The following LENEP variants were observed in gnomAD, a reference collection of about 807,000 sequenced individuals.
LENEP encodes lens epithelial cell protein LEP503.
Under a neutral mutation model 4.1 loss-of-function variants are expected in LENEP, and 2 were observed. The ratio of observed to expected loss-of-function variants is 0.49; its 90% confidence interval spans 0.20 to 1.53. The LOEUF is 1.53. Among genes scored for constraint, LENEP ranks in the 40% most tolerant of loss-of-function variants. The probability of loss-of-function intolerance (pLI) is 0.23; values close to 1 mark genes in which losing one functional copy is unlikely to be tolerated. For missense variants in LENEP, 63 were observed against 77.0 expected (o/e 0.82, Z 0.68); for synonymous variants, 30 against 33.3 (o/e 0.90, Z 0.34).
In LENEP at chr1:154,993,629, CT is replaced by C; in HGVS notation, c.23del (p.Leu8GlnfsTer36). The part of the protein sequence containing the change: MQPRTQP[L>X]AQTLPFFLGG... ...CCACATGCAGCCCCGGACACAGCCCCTAGCCCAAACCCTACCCTTCTTCCTC... is the reference window on the plus strand; with the variant it reads ...CCACATGCAGCCCCGGACACAGCCCCAGCCCAAACCCTACCCTTCTTCCTC... On this transcript the variant is annotated frameshift_variant, in exon 1 of 1. Transcript: ENST00000392487. LOFTEE classifies it high-confidence loss of function. The C allele has an allele frequency of 6.2e-7, 1 of 1,612,908 alleles. No homozygotes were observed. The highest frequency in any genetic ancestry group is 8.5e-7 in the Non-Finnish European group (1 of 1,179,610).
At position 154,993,914 on chromosome 1, in the gene LENEP, T is replaced by C. The variant is rs1177901623; in HGVS notation, c.*121T>C. ...CTGTGGCAGAGCTTGCCTTAGCTTC[T>C]CATTCTCTTCTTTAGCCCCCAGCCC... On this transcript the variant is annotated 3_prime_UTR_variant, in exon 1 of 1. Coordinates refer to ENST00000392487, the MANE Select transcript of LENEP (RefSeq NM_001394530.1). 2 of 975,054 alleles carry C rather than the reference T, an allele frequency of 2.1e-6. No homozygotes were observed. Among genetic ancestry groups the C allele is most frequent in the Non-Finnish European group, 3.0e-6 (2 of 658,900 alleles). 60.4% of individuals were successfully genotyped at this position (975,054 alleles called of 1,614,324 possible).
In LENEP at chr1:154,993,911, T is replaced by G; in HGVS notation, c.*118T>G. The stretch of plus-strand genomic sequence containing the variant: ...CTTCTGTGGCAGAGCTTGCCTTAGC[T>G]TCTCATTCTCTTCTTTAGCCCCCAG... On this transcript the variant is annotated 3_prime_UTR_variant, in exon 1 of 1. Coordinates refer to ENST00000392487, the MANE Select transcript of LENEP (RefSeq NM_001394530.1). 2 of 995,058 alleles carry G rather than the reference T, an allele frequency of 2.0e-6. No individual in the cohort carries two copies. Among genetic ancestry groups the G allele is most frequent in the Admixed American group, 2.7e-5 (1 of 36,504 alleles). The allele number at this position is 995,058 out of a possible 1,614,324, so 61.6% of individuals were successfully genotyped here.
Position 154,993,866 on chromosome 1 carries a change from A to G in LENEP, c.*73A>G, listed in dbSNP as rs1657984764. 4.3e-5 allele frequency: 61 copies of G among 1,410,938 alleles called. No homozygotes were observed. The South Asian group carries it at 7.5e-4, about 17-fold the overall frequency. The allele number at this position is 1,410,938 out of a possible 1,614,324, so 87.4% of individuals were successfully genotyped here. A position where few individuals can be genotyped will look rare whatever the true frequency, so the allele number is the denominator to read the frequency against. Reference sequence around the variant, plus strand: ...TCGCTCAGGTGGGCAGGGTAGAGTAAACAGGAGGCATAGCTGCAGCTTCTG... The same window carrying G: ...TCGCTCAGGTGGGCAGGGTAGAGTAGACAGGAGGCATAGCTGCAGCTTCTG... On this transcript the variant is annotated 3_prime_UTR_variant, in exon 1 of 1. Coordinates refer to ENST00000392487, the MANE Select transcript of LENEP (RefSeq NM_001394530.1).
Position 154,993,846 on chromosome 1 carries a change from C to T in LENEP, c.*53C>T. The T allele has an allele frequency of 6.4e-7, 1 of 1,564,088 alleles. No homozygotes were observed. The highest frequency in any genetic ancestry group is 1.1e-5 in the South Asian group (1 of 88,516). On this transcript the variant is annotated 3_prime_UTR_variant, in exon 1 of 1. Transcript: ENST00000392487. ...CACCAGCACCATGGCTGGCATCGCT[C>T]AGGTGGGCAGGGTAGAGTAAACAGG... is the stretch of plus-strand genomic sequence containing the variant.
Position 154,993,883 on chromosome 1 carries a change from C to A in LENEP, c.*90C>A. On this transcript the variant is annotated 3_prime_UTR_variant, in exon 1 of 1. Transcript: ENST00000392487. Reference sequence around the variant, plus strand: ...GTAGAGTAAACAGGAGGCATAGCTGCAGCTTCTGTGGCAGAGCTTGCCTTA... The same window carrying A: ...GTAGAGTAAACAGGAGGCATAGCTGAAGCTTCTGTGGCAGAGCTTGCCTTA... 1 of 1,279,820 alleles carries A rather than the reference C, an allele frequency of 7.8e-7. No homozygotes were observed. Among genetic ancestry groups the A allele is most frequent in the Non-Finnish European group, 1.1e-6 (1 of 912,110 alleles). The allele number at this position is 1,279,820 out of a possible 1,614,324, so 79.3% of individuals were successfully genotyped here. A position where few individuals can be genotyped will look rare whatever the true frequency, so the allele number is the denominator to read the frequency against.
In LENEP at chr1:154,993,954, C is replaced by T. The variant is rs377573367; in HGVS notation, c.*161C>T. The T allele has an allele frequency of 6.1e-6, 4 of 656,922 alleles. No homozygotes were observed. The highest frequency in any genetic ancestry group is 3.0e-5 in the East Asian group (1 of 33,894). 40.7% of individuals were successfully genotyped at this position (656,922 alleles called of 1,614,324 possible). A position where few individuals can be genotyped will look rare whatever the true frequency, so the allele number is the denominator to read the frequency against. ...GCCCCCAGCCCAATTGCCATCAAGA[C>T]TCCTGAAGCCAGCTGTGCTTGACCA... On this transcript the variant is annotated 3_prime_UTR_variant, in exon 1 of 1. Coordinates refer to ENST00000392487, the MANE Select transcript of LENEP (RefSeq NM_001394530.1).
rs1657992549 is a variant in LENEP at position 154,994,122 on chromosome 1, C to A, written c.*329C>A. On this transcript the variant is annotated 3_prime_UTR_variant, in exon 1 of 1. Coordinates refer to ENST00000392487, the MANE Select transcript of LENEP (RefSeq NM_001394530.1). ...GACCTCTGGTGGGCAGGAGCTTGGA[C>A]TGCTCTGGCTAGGACCCCAGTAAGA... is the stretch of plus-strand genomic sequence containing the variant. 9.2e-6 allele frequency: 3 copies of A among 327,038 alleles called. No individual in the cohort carries two copies. The highest frequency in any genetic ancestry group is 1.7e-5 in the Non-Finnish European group (3 of 176,782). 20.3% of individuals were successfully genotyped at this position (327,038 alleles called of 1,614,324 possible). A position where few individuals can be genotyped will look rare whatever the true frequency, so the allele number is the denominator to read the frequency against.
chr1:154,994,161 T>TTTTTAATGATAC lies in LENEP; in HGVS notation c.*368_*369insTTTTAATGATAC. ...ACCCCAGTAAGATTGTGGCAAGACC[T>TTTTTAATGATAC]GGCACTCCTCCAAGCTTGGCACAGT... On this transcript the variant is annotated 3_prime_UTR_variant, in exon 1 of 1. Transcript: ENST00000392487. 2 of 263,066 alleles carry TTTTTAATGATAC rather than the reference T, an allele frequency of 7.6e-6. No homozygotes were observed. Among genetic ancestry groups the TTTTTAATGATAC allele is most frequent in the South Asian group, 4.1e-5 (1 of 24,682 alleles). The allele number at this position is 263,066 out of a possible 1,614,324, so 16.3% of individuals were successfully genotyped here. A position where few individuals can be genotyped will look rare whatever the true frequency, so the allele number is the denominator to read the frequency against.
chr1:154,993,659 G>A lies in LENEP; in HGVS notation c.52G>A (p.Gly18Arg). The change falls in exon 1 of 1, where the codon GGG becomes AGG. Residue 18 changes from glycine (G) to arginine (R), a missense_variant. Transcript: ENST00000392487. Reference protein sequence around the residue: ...LAQTLPFFLGGAPRDTGLRVP... With the variant: ...LAQTLPFFLGRAPRDTGLRVP... ...CCAAACCCTACCCTTCTTCCTCGGA[G>A]GGGCCCCTCGAGACACTGGGCTGCG... is the stretch of plus-strand genomic sequence containing the variant. 1 of 1,613,518 alleles carries A rather than the reference G, an allele frequency of 6.2e-7. No homozygotes were observed. The highest frequency in any genetic ancestry group is 1.1e-5 in the South Asian group (1 of 91,066).
rs776786363 is a variant in LENEP, at chr1:154,993,673, C to T, written c.66C>T (p.Asp22=). 3.1e-6 allele frequency: 5 copies of T among 1,613,594 alleles called. No homozygotes were observed. In the South Asian group the frequency reaches 4.4e-5, roughly 14 times the overall value. Residue 22 remains aspartate (D), a synonymous_variant, in exon 1 of 1, where the codon GAC becomes GAT. Transcript: ENST00000392487. ...LPFFLGGAPR[D]TGLRVPVIKM... is the part of the protein sequence containing the mutation. Reference sequence around the variant, plus strand: ...TCTTCCTCGGAGGGGCCCCTCGAGACACTGGGCTGCGGGTGCCTGTCATTA... The same window carrying T: ...TCTTCCTCGGAGGGGCCCCTCGAGATACTGGGCTGCGGGTGCCTGTCATTA...
rs1047060531 is a variant in LENEP at position 154,993,847 on chromosome 1, A to C, written c.*54A>C. On this transcript the variant is annotated 3_prime_UTR_variant, in exon 1 of 1. Transcript: ENST00000392487. The stretch of plus-strand genomic sequence containing the variant: ...ACCAGCACCATGGCTGGCATCGCTC[A>C]GGTGGGCAGGGTAGAGTAAACAGGA... The C allele has an allele frequency of 7.7e-6, 12 of 1,564,800 alleles. No homozygotes were observed. Among genetic ancestry groups the C allele is most frequent in the African/African-American group, 2.7e-5 (2 of 72,848 alleles).
In LENEP at chr1:154,993,598, T is replaced by C. The variant is rs774620696; in HGVS notation, c.-10T>C. On this transcript the variant is annotated 5_prime_UTR_variant, in exon 1 of 1. Transcript: ENST00000392487. ...CAGCTCCCACACCCTTCCTCGGAAC[T>C]GTTGCCCACATGCAGCCCCGGACAC... 5.1e-5 allele frequency: 82 copies of C among 1,603,494 alleles called. No individual in the cohort carries two copies. Among genetic ancestry groups the C allele is most frequent in the Non-Finnish European group, 6.6e-5 (78 of 1,176,230 alleles).
Position 154,993,665 on chromosome 1 carries a change from C to T in LENEP, c.58C>T (p.Pro20Ser). 1.6e-5 allele frequency: 26 copies of T among 1,613,588 alleles called. No homozygotes were observed. Among genetic ancestry groups the T allele is most frequent in the Non-Finnish European group, 2.2e-5 (26 of 1,179,792 alleles). ...CCTACCCTTCTTCCTCGGAGGGGCC[C>T]CTCGAGACACTGGGCTGCGGGTGCC... ...QTLPFFLGGA[P>S]RDTGLRVPVI... Residue 20 changes from proline (P) to serine (S), a missense_variant, in exon 1 of 1, where the codon CCT becomes TCT. Pro to Ser is a moderately conservative substitution (Grantham distance 74). Coordinates refer to ENST00000392487, the MANE Select transcript of LENEP (RefSeq NM_001394530.1).
chr1:154,993,959 G>A lies in LENEP; in HGVS notation c.*166G>A. ...CAGCCCAATTGCCATCAAGACTCCT[G>A]AAGCCAGCTGTGCTTGACCAAGGAT... On this transcript the variant is annotated 3_prime_UTR_variant, in exon 1 of 1. Transcript: ENST00000392487. The A allele has an allele frequency of 1.6e-6, 1 of 641,458 alleles. No homozygotes were observed. The highest frequency in any genetic ancestry group is 2.6e-6 in the Non-Finnish European group (1 of 379,268). 39.7% of individuals were successfully genotyped at this position (641,458 alleles called of 1,614,324 possible).
In LENEP at chr1:154,993,827, C is replaced by A; in HGVS notation, c.*34C>A. 1 of 1,598,644 alleles carries A rather than the reference C, an allele frequency of 6.3e-7. No individual in the cohort carries two copies. Among genetic ancestry groups the A allele is most frequent in the Non-Finnish European group, 8.5e-7 (1 of 1,171,440 alleles). On this transcript the variant is annotated 3_prime_UTR_variant, in exon 1 of 1. Coordinates refer to ENST00000392487, the MANE Select transcript of LENEP (RefSeq NM_001394530.1). ...GGGAACTGCCTCCTCTCCCCACCAG[C>A]ACCATGGCTGGCATCGCTCAGGTGG...
chr1:154,993,657 G>A lies in LENEP; in HGVS notation c.50G>A (p.Gly17Glu). 6.2e-7 allele frequency: 1 copy of A among 1,613,506 alleles called. No individual in the cohort carries two copies. Among genetic ancestry groups the A allele is most frequent in the Non-Finnish European group, 8.5e-7 (1 of 1,179,786 alleles). The part of the protein sequence containing the change: ...PLAQTLPFFL[G>E]GAPRDTGLRV... The stretch of plus-strand genomic sequence containing the variant: ...GCCCAAACCCTACCCTTCTTCCTCG[G>A]AGGGGCCCCTCGAGACACTGGGCTG... Residue 17 changes from glycine (G) to glutamate (E), a missense_variant, in exon 1 of 1, where the codon GGA (glycine) becomes GAA (glutamate). Transcript: ENST00000392487.
rs1657982284 is a variant in LENEP at position 154,993,796 on chromosome 1, G to GT, written c.*4dup. 1 of 1,610,754 alleles carries GT rather than the reference G, an allele frequency of 6.2e-7. No homozygotes were observed. The highest frequency in any genetic ancestry group is 1.3e-5 in the African/African-American group (1 of 74,608). On this transcript the variant is annotated 3_prime_UTR_variant, in exon 1 of 1. Coordinates refer to ENST00000392487, the MANE Select transcript of LENEP (RefSeq NM_001394530.1). Reference sequence around the variant, plus strand: ...GTATCAAGGAACTGCTGGATTAATGGTAGCAGGGAACTGCCTCCTCTCCCC... The same window carrying GT: ...GTATCAAGGAACTGCTGGATTAATGGTTAGCAGGGAACTGCCTCCTCTCCCC...
Position 154,993,617 on chromosome 1 carries a change from C to T in LENEP, c.10C>T (p.Arg4Trp), listed in dbSNP as rs146522403. 7.1e-4 allele frequency: 1,144 copies of T among 1,611,228 alleles called. 6 individuals carry two copies. In the African/African-American group the frequency reaches 0.013, roughly 18 times the overall value. Residue 4 changes from arginine to tryptophan, a missense_variant, in exon 1 of 1, where the codon CGG becomes TGG. By Grantham distance (101) the Arg-to-Trp change is moderately radical. Coordinates refer to ENST00000392487, the MANE Select transcript of LENEP (RefSeq NM_001394530.1). ...CGGAACTGTTGCCCACATGCAGCCC[C>T]GGACACAGCCCCTAGCCCAAACCCT... MQP[R>W]TQPLAQTLPF...
At position 154,993,625 on chromosome 1, in the gene LENEP, G is replaced by A; in HGVS notation, c.18G>A (p.Gln6=). The change falls in exon 1 of 1, where the codon CAG becomes CAA. Residue 6 remains glutamine, a synonymous_variant. Coordinates refer to ENST00000392487, the MANE Select transcript of LENEP (RefSeq NM_001394530.1). The stretch of plus-strand genomic sequence containing the variant: ...TTGCCCACATGCAGCCCCGGACACA[G>A]CCCCTAGCCCAAACCCTACCCTTCT... MQPRT[Q]PLAQTLPFFL... is the part of the protein sequence containing the mutation. The A allele has an allele frequency of 6.2e-7, 1 of 1,612,044 alleles. No individual in the cohort carries two copies. The highest frequency in any genetic ancestry group is 8.5e-7 in the Non-Finnish European group (1 of 1,179,348).
Sources: gnomAD v4.1 joint callset for allele counts on GRCh38, gnomAD v4.1.1 for gene constraint, MANE v1.5 for transcripts, NCBI Gene and HGNC (gene_info 2026-07-23, HGNC 2026-07-21) for gene names.